GMDS: variants seen among roughly 807,000 people sequenced by gnomAD.
The protein encoded by GMDS is GDP-mannose 4,6-dehydratase.
A neutral mutation model predicts 49.9 loss-of-function variants in GMDS; 20 were observed. That is an observed-to-expected ratio of 0.40 (90% CI 0.28 to 0.58). The LOEUF (loss-of-function observed/expected upper bound fraction) is 0.58, where lower values mean the gene tolerates loss of function less well. Among genes scored for constraint, GMDS ranks in the 20% least tolerant of loss-of-function variants. The pLI, the probability that GMDS is intolerant of heterozygous loss-of-function variation, is 0.42. For synonymous variants in GMDS, 177 were observed against 178.6 expected (o/e 0.99, Z 0.07); for missense variants, 362 against 481.4 (o/e 0.75, Z 2.32).
At chr6:2,146,216 T>C (rs1776552722) in intron 1 of GMDS, among the ~76,000 whole-genome samples, 2 of 152,204 alleles carry the variant, frequency 1.3e-5, no homozygotes, top group Non-Finnish European at 2.9e-5. Context: ...GGACTGTAAA[T>C]TGGTAAAACC....
intron 1 of GMDS, among the ~76,000 whole-genome samples, chr6:2,204,140 C>T (rs574156347): frequency 4.6e-5 from 7 of 152,294 alleles, no homozygotes; most frequent in African/African-American, 1.4e-4. Context: ...TCTCTACATG[C>T]CAAGTATACA....
In GMDS at chr6:2,065,037, A is replaced by G. The variant is rs189483776; in HGVS notation, c.345+50734T>C. Among the ~76,000 whole-genome samples the G allele has an allele frequency of 1.3e-3, 197 of 152,244 alleles. 1 individual carries two copies. Among genetic ancestry groups the G allele is most frequent in the Admixed American group, 0.01 (153 of 15,288 alleles). ...TAAATGTTACTGTCTGACAGCTTTG[A>G]AGAGAGCAGTGGTTCTCCCAGCATG... is the stretch of plus-strand genomic sequence containing the variant. On this transcript the variant is annotated intron_variant, in intron 4 of 10. Coordinates refer to ENST00000380815, the MANE Select transcript of GMDS (RefSeq NM_001500.4).
At chr6:2,112,436 G>C (rs1045557261) in intron 4 of GMDS, among the ~76,000 whole-genome samples, 5 of 152,010 alleles carry the variant, frequency 3.3e-5, no homozygotes, top group Non-Finnish European at 7.4e-5. Flanking sequence ...CTAGAACAAG[G>C]GTTCTCAAAG....
intron 4 of GMDS, among the ~76,000 whole-genome samples, chr6:2,080,793 T>C (rs150724618): frequency 4.6e-4 from 70 of 152,292 alleles, no homozygotes; most frequent in African/African-American, 1.6e-3. Flanking sequence ...TCTTGGAAAG[T>C]ATAAAAATGC....
intron 4 of GMDS, among the ~76,000 whole-genome samples, chr6:2,066,065 G>A (rs1277944103): frequency 6.6e-6 from 1 of 152,094 alleles, no homozygotes; most frequent in Non-Finnish European, 1.5e-5. Context: ...AGACTAAGCG[G>A]ATCTCTCGGC....
intron 4 of GMDS, among the ~76,000 whole-genome samples, chr6:2,024,989 G>T (rs1168259701): frequency 1.3e-5 from 2 of 151,910 alleles, no homozygotes; most frequent in Non-Finnish European, 2.9e-5. Context: ...GAATAAAAAA[G>T]TATACCATAT....
At chr6:1,852,099 G>A (rs1266858763) in intron 7 of GMDS, among the ~76,000 whole-genome samples, 1 of 152,192 alleles carries the variant, frequency 6.6e-6, no homozygotes, top group African/African-American at 2.4e-5. Context: ...CATAGCGGAG[G>A]CTCTGAAATA....
chr6:1,897,914 T>C (rs1222549665), intron 7 of GMDS, among the ~76,000 whole-genome samples: 1 of 151,804 alleles, frequency 6.6e-6, no homozygotes, highest in East Asian at 1.9e-4. Context: ...CTGGATCTAC[T>C]CCACGGCCAC....
chr6:2,108,266 C>T (rs568296853), intron 4 of GMDS, among the ~76,000 whole-genome samples: 1 of 152,142 alleles, frequency 6.6e-6, no homozygotes, highest in Non-Finnish European at 1.5e-5. Context: ...ACAAGCTGCT[C>T]ATTCTAACAA....
At chr6:2,057,070 T>C (rs987854682) in intron 4 of GMDS, among the ~76,000 whole-genome samples, 7 of 152,210 alleles carry the variant, frequency 4.6e-5, no homozygotes, top group African/African-American at 1.7e-4. Context: ...AAAGTGCTTT[T>C]GAATAAAACA....
At chr6:2,195,510 T>C (rs1779238710) in intron 1 of GMDS, among the ~76,000 whole-genome samples, 1 of 152,228 alleles carries the variant, frequency 6.6e-6, no homozygotes, top group Non-Finnish European at 1.5e-5. Context: ...ATTTTATTCT[T>C]TTTATCCTAA....
chr6:2,092,925 T>C (rs1030773147), intron 4 of GMDS, among the ~76,000 whole-genome samples: 7 of 152,284 alleles, frequency 4.6e-5, no homozygotes, highest in South Asian at 2.1e-4. Flanking sequence ...AGAAAGATAA[T>C]AGGAGGTTGT....
At chr6:1,693,341 TCTC>T (rs1488907381) in intron 9 of GMDS, among the ~76,000 whole-genome samples, 1 of 152,286 alleles carries the variant, frequency 6.6e-6, no homozygotes, top group East Asian at 1.9e-4. Flanking sequence ...TCACTGCAAT[TCTC>T]CTCACCTCTG....
intron 4 of GMDS, among the ~76,000 whole-genome samples, chr6:2,050,741 C>G (rs1302073031): frequency 6.6e-6 from 1 of 152,120 alleles, no homozygotes; most frequent in Admixed American, 6.6e-5. Flanking sequence ...AATCAATAAA[C>G]GTAATCCATC....
At chr6:1,961,933 C>T (rs1187706380) in intron 4 of GMDS, among the ~76,000 whole-genome samples, 2 of 152,174 alleles carry the variant, frequency 1.3e-5, no homozygotes, top group African/African-American at 4.8e-5. Context: ...GACCACTAAA[C>T]TCATGTCATT....
At chr6:2,222,108 T>C (rs968294870) in intron 1 of GMDS, among the ~76,000 whole-genome samples, 1 of 152,244 alleles carries the variant, frequency 6.6e-6, no homozygotes, top group African/African-American at 2.4e-5. Context: ...AAGCGACTAG[T>C]ATGCTGAAGT....
chr6:1,642,548 G>T (rs778719009), intron 9 of GMDS, among the ~76,000 whole-genome samples: 5 of 152,172 alleles, frequency 3.3e-5, no homozygotes, highest in African/African-American at 4.8e-5. Context: ...TTGTCAGGGA[G>T]AAAATAAATT....
intron 4 of GMDS, among the ~76,000 whole-genome samples, chr6:1,999,137 C>A (rs1014666886): frequency 3.0e-4 from 45 of 151,992 alleles, no homozygotes; most frequent in Non-Finnish European, 6.5e-4. Flanking sequence ...GCCTGGCCAA[C>A]ATGGTGAAAC....
intron 1 of GMDS, among the ~76,000 whole-genome samples, chr6:2,226,799 A>C (rs1780831862): frequency 6.6e-6 from 1 of 152,236 alleles, no homozygotes; most frequent in African/African-American, 2.4e-5. Context: ...GGAGGTGCTA[A>C]GCTGGTTAAC....
Sources: allele counts gnomAD v4.1 joint callset (sites outside exome capture counted in the v4.1 genomes callset), GRCh38; gene constraint gnomAD v4.1.1; transcripts MANE v1.5; gene names NCBI Gene and HGNC (gene_info 2026-07-23, HGNC 2026-07-21).